GLT1D1: variants seen among roughly 807,000 people sequenced by gnomAD.
The protein encoded by GLT1D1 is glycosyltransferase 1 domain-containing protein 1.
A neutral mutation model predicts 28.7 loss-of-function variants in GLT1D1; 21 were observed. The observed-to-expected ratio is 0.73, with a 90% CI of 0.52 to 1.05. The LOEUF (loss-of-function observed/expected upper bound fraction) is 1.05. Ranked by LOEUF, GLT1D1 falls within the 50% of genes least tolerant of loss-of-function variation. The pLI is 0.00. For synonymous variants in GLT1D1, 147 were observed against 124.8 expected, an observed-to-expected ratio of 1.18 and a Z score of -1.19; for missense variants, 343 against 330.6, an observed-to-expected ratio of 1.04 and a Z score of -0.29.
At chr12:128,906,435 C>A (rs186166347) in intron 4 of GLT1D1, among the ~76,000 whole-genome samples, 1 of 152,280 alleles carries the variant, frequency 6.6e-6, no homozygotes, top group Admixed American at 6.5e-5. Flanking sequence ...ACGCTTCTAC[C>A]AGGAGAAGCA....
At chr12:128,952,469 C>CTTTCTTTTTT (rs150827801) in intron 6 of GLT1D1, among the ~76,000 whole-genome samples, 1 of 120,676 alleles carries the variant, frequency 8.3e-6, no homozygotes, top group Non-Finnish European at 1.7e-5. Flanking sequence ...AAATTTCTTT[C>CTTTCTTTTTT]TTTTTTTTTT....
intron 1 of GLT1D1, among the ~76,000 whole-genome samples, chr12:128,857,995 C>T (rs1956264557): frequency 6.6e-6 from 1 of 152,138 alleles, no homozygotes; most frequent in African/African-American, 2.4e-5. Context: ...ATGGCAAGGT[C>T]CAGACCAAGT....
intron 4 of GLT1D1, among the ~76,000 whole-genome samples, chr12:128,910,910 C>T (rs750942876): frequency 3.3e-5 from 5 of 152,072 alleles, no homozygotes; most frequent in Admixed American, 2.0e-4. Flanking sequence ...TACCGAGCCT[C>T]GTGTGTACCC....
intron 7 of GLT1D1, among the ~76,000 whole-genome samples, chr12:128,972,550 G>GAA (rs1372897998): frequency 7.2e-5 from 11 of 152,122 alleles, no homozygotes; most frequent in African/African-American, 2.7e-4. Context: ...GTTCTGGGAG[G>GAA]AAAAAAACAC....
At chr12:128,982,136 C>T (rs1833890413) in intron 7 of GLT1D1, among the ~76,000 whole-genome samples, 1 of 152,112 alleles carries the variant, frequency 6.6e-6, no homozygotes, top group Non-Finnish European at 1.5e-5. Flanking sequence ...TGAGCATAAA[C>T]GGAAACACAG....
chr12:128,885,005 T>C (rs1957144924), intron 2 of GLT1D1, among the ~76,000 whole-genome samples: 1 of 151,834 alleles, frequency 6.6e-6, no homozygotes, highest in African/African-American at 2.4e-5. Context: ...TCCTCCTGCC[T>C]TGGCCTCCCA....
chr12:128,953,597 TTCTC>T (rs1214521881), intron 6 of GLT1D1, among the ~76,000 whole-genome samples: 2 of 152,232 alleles, frequency 1.3e-5, no homozygotes, highest in Non-Finnish European at 2.9e-5. Context: ...ACTTGTGTAT[TTCTC>T]TCTAAGAATT....
intron 7 of GLT1D1, among the ~76,000 whole-genome samples, chr12:128,958,112 C>T (rs144282527): frequency 7.8e-4 from 119 of 152,324 alleles, no homozygotes; most frequent in African/African-American, 2.6e-3. Flanking sequence ...ACCTGTCCAT[C>T]GGTCCAGCTG....
chr12:128,972,070 A>G (rs1199369946), intron 7 of GLT1D1, among the ~76,000 whole-genome samples: 2 of 151,836 alleles, frequency 1.3e-5, no homozygotes, highest in African/African-American at 4.8e-5. Context: ...TGAATGAGCA[A>G]GCTGTCCCTT....
intron 7 of GLT1D1, among the ~76,000 whole-genome samples, chr12:128,963,984 C>T (rs1208942823): frequency 1.3e-5 from 2 of 152,208 alleles, no homozygotes; most frequent in African/African-American, 4.8e-5. Context: ...ACATTTCTCT[C>T]TCACAGTCCT....
At chr12:128,972,474 G>A (rs1422678015) in intron 7 of GLT1D1, among the ~76,000 whole-genome samples, 1 of 152,074 alleles carries the variant, frequency 6.6e-6, no homozygotes, top group Non-Finnish European at 1.5e-5. Flanking sequence ...TGTGGCCCGG[G>A]AAGAACCGGG....
At chr12:128,977,023 G>A (rs1879829814) in intron 7 of GLT1D1, among the ~76,000 whole-genome samples, 1 of 152,320 alleles carries the variant, frequency 6.6e-6, no homozygotes, top group Middle Eastern at 3.4e-3. Flanking sequence ...GCACAAGCCT[G>A]TAATCCCAGC....
intron 7 of GLT1D1, among the ~76,000 whole-genome samples, chr12:128,969,841 G>C (rs546713351): frequency 1.3e-5 from 2 of 152,142 alleles, no homozygotes; most frequent in African/African-American, 2.4e-5. Context: ...CTGGGCCCTC[G>C]CGTGGGTGCA....
intron 1 of GLT1D1, among the ~76,000 whole-genome samples, 158 bp downstream of exon 1, chr12:128,853,807 G>C (rs960232230): frequency 3.3e-5 from 5 of 151,840 alleles, no homozygotes; most frequent in Admixed American, 3.3e-4. Context: ...GCCGCCTGCC[G>C]GGCGCGCGGG....
In GLT1D1 at chr12:128,913,646, G is replaced by T. The variant is rs558472776; in HGVS notation, c.375+14359G>T. On this transcript the variant is annotated intron_variant, in intron 4 of 7. Coordinates refer to ENST00000281703, the MANE Select transcript of GLT1D1 (RefSeq NM_144669.3). ...ACGAGTGCAGAGGCTGAGGCCAGGCGTTCGGGCCTCCTGAGGACTTCCATG... is the reference window on the plus strand; with the variant it reads ...ACGAGTGCAGAGGCTGAGGCCAGGCTTTCGGGCCTCCTGAGGACTTCCATG... Among the ~76,000 whole-genome samples the T allele has an allele frequency of 7.9e-5, 12 of 152,356 alleles. No homozygotes were observed. The South Asian group carries it at 1.0e-3, about 13-fold the overall frequency.
intron 7 of GLT1D1, among the ~76,000 whole-genome samples, chr12:128,967,061 T>A (rs537257): frequency 0.058 from 8,825 of 152,274 alleles, 832 homozygotes; most frequent in African/African-American, 0.2. Flanking sequence ...AAGCTGTGAA[T>A]CTATACACTG....
intron 7 of GLT1D1, 96 bp downstream of exon 11, chr12:128,957,739 C>A: frequency 1.2e-6 from 1 of 806,244 alleles, no homozygotes; most frequent in Non-Finnish European, 2.0e-6. Flanking sequence ...GCTTAGTATT[C>A]CTGTCCTACC....
chr12:128,924,791 G>A (rs984473302), intron 4 of GLT1D1, among the ~76,000 whole-genome samples: 2 of 152,160 alleles, frequency 1.3e-5, no homozygotes, highest in Non-Finnish European at 2.9e-5. Flanking sequence ...GTGTGAACGG[G>A]GCAGTGGGGA....
intron 3 of GLT1D1, among the ~76,000 whole-genome samples, chr12:128,898,407 G>A (rs756870969): frequency 2.4e-4 from 36 of 152,120 alleles, no homozygotes; most frequent in Admixed American, 3.3e-4. Flanking sequence ...GAATGCCTGG[G>A]CTCAAGTGAT....
Sources: gnomAD v4.1 joint callset for allele counts (sites outside exome capture counted in the v4.1 genomes callset) on GRCh38, gnomAD v4.1.1 for gene constraint, MANE v1.5 for transcripts, NCBI Gene and HGNC (gene_info 2026-07-23, HGNC 2026-07-21) for gene names.